Variants in MTUS1 observed in about 807,000 individuals in gnomAD.
MTUS1 encodes the protein microtubule-associated tumor suppressor 1.
In MTUS1, 109 loss-of-function variants were observed where a neutral mutation model predicts 120.8. The ratio of observed to expected loss-of-function variants is 0.90; its 90% CI spans 0.77 to 1.06. The LOEUF (loss-of-function observed/expected upper bound fraction) is 1.06. MTUS1 is among the 50% of genes least tolerant of loss of function. The probability of loss-of-function intolerance (pLI) is 0.00; values close to 1 mark genes in which losing one functional copy is unlikely to be tolerated. For missense variants in MTUS1, 2,210 were observed against 1,486.3 expected (o/e 1.49, Z -8.01); for synonymous variants, 737 against 550.5 (o/e 1.34, Z -4.74).
At chr8:17,681,610 T>G (rs1814524052) in intron 7 of MTUS1, 1 of 154,784 alleles carries the variant, frequency 6.5e-6, no homozygotes, top group African/African-American at 2.4e-5. Flanking sequence ...AACTGTAGCT[T>G]TTGGCATGAT....
At chr8:17,773,299 A>T (rs2050151305) in intron 1 of MTUS1, among the ~76,000 whole-genome samples, 1 of 152,170 alleles carries the variant, frequency 6.6e-6, no homozygotes, top group Non-Finnish European at 1.5e-5. Flanking sequence ...GCAGGGGAAG[A>T]GTCTTCAAGA....
At chr8:17,672,182 T>C (rs536718136) in intron 8 of MTUS1, among the ~76,000 whole-genome samples, 63 of 152,302 alleles carry the variant, frequency 4.1e-4, no homozygotes, top group African/African-American at 1.4e-3. Flanking sequence ...TTCTGTAGCA[T>C]AGATGATGCC....
chr8:17,712,838 A>G (rs1821602665), intron 6 of MTUS1, among the ~76,000 whole-genome samples: 1 of 152,194 alleles, frequency 6.6e-6, no homozygotes, highest in Admixed American at 6.5e-5. Flanking sequence ...AAACATAAAA[A>G]TATAGGCTGC....
intron 1 of MTUS1, among the ~76,000 whole-genome samples, chr8:17,798,410 G>A (rs1397191287): frequency 6.6e-6 from 1 of 151,838 alleles, no homozygotes; most frequent in East Asian, 1.9e-4. Flanking sequence ...TCGGCTCACT[G>A]CAACCTCCAC....
chr8:17,756,885 C>A (rs1352142852), intron 1 of MTUS1, among the ~76,000 whole-genome samples: 1 of 152,122 alleles, frequency 6.6e-6, no homozygotes, highest in Non-Finnish European at 1.5e-5. Flanking sequence ...CACCAAAAAC[C>A]AAACCCTGAA....
chr8:17,649,345 A>G (rs1256902720), intron 13 of MTUS1, among the ~76,000 whole-genome samples: 1 of 152,240 alleles, frequency 6.6e-6, no homozygotes. Flanking sequence ...GGAATGAGCC[A>G]CTGCGCCCAG....
intron 4 of MTUS1, among the ~76,000 whole-genome samples, chr8:17,720,519 T>C (rs187694132): frequency 6.6e-5 from 10 of 152,286 alleles, no homozygotes; most frequent in African/African-American, 1.4e-4. Flanking sequence ...AGAATGCAAA[T>C]AGCTTTGGTC....
intron 7 of MTUS1, 148 bp downstream of exon 7, chr8:17,684,180 G>C (rs962993614): frequency 4.7e-6 from 3 of 636,180 alleles, no homozygotes; most frequent in South Asian, 3.7e-5. Flanking sequence ...CAAGTATCTG[G>C]TGAAGTGACA....
intron 8 of MTUS1, among the ~76,000 whole-genome samples, chr8:17,669,325 G>A (rs1811532894): frequency 6.6e-6 from 1 of 152,274 alleles, no homozygotes; most frequent in African/African-American, 2.4e-5. Context: ...AAAGAGGAGA[G>A]TGCACTCCAG....
At chr8:17,711,088 G>A (rs999741902) in intron 6 of MTUS1, among the ~76,000 whole-genome samples, 4 of 152,126 alleles carry the variant, frequency 2.6e-5, no homozygotes, top group African/African-American at 9.7e-5. Flanking sequence ...TAGAGCACAG[G>A]CAGAGTAGAT....
At chr8:17,710,207 T>G (rs1021134200) in intron 6 of MTUS1, among the ~76,000 whole-genome samples, 7 of 152,158 alleles carry the variant, frequency 4.6e-5, no homozygotes, top group African/African-American at 1.7e-4. Context: ...CAATGAAGTT[T>G]GCGACATCAA....
At chr8:17,760,193 G>C (rs377225139) in intron 1 of MTUS1, among the ~76,000 whole-genome samples, 9 of 151,704 alleles carry the variant, frequency 5.9e-5, no homozygotes, top group African/African-American at 2.2e-4. Flanking sequence ...TTCAGCCTGG[G>C]TGACAGGGAC....
chr8:17,767,921 C>T (rs1463495587), intron 1 of MTUS1, among the ~76,000 whole-genome samples: 5 of 152,048 alleles, frequency 3.3e-5, no homozygotes, highest in African/African-American at 7.2e-5. Context: ...AGAGACTAGA[C>T]GCACGAAACT....
chr8:17,648,203 T>C (rs555000307), intron 13 of MTUS1, among the ~76,000 whole-genome samples: 1 of 152,290 alleles, frequency 6.6e-6, no homozygotes, highest in East Asian at 1.9e-4. Context: ...TTCCTGTGCT[T>C]CTAAGTCTCT....
chr8:17,721,952 T>C (rs759735986), intron 4 of MTUS1: 1 of 1,558,938 alleles, frequency 6.4e-7, no homozygotes. Flanking sequence ...CCATGTTCAC[T>C]CTCATATCCC....
intron 2 of MTUS1, among the ~76,000 whole-genome samples, chr8:17,746,507 A>T (rs2047760094): frequency 6.6e-6 from 1 of 152,124 alleles, no homozygotes; most frequent in Non-Finnish European, 1.5e-5. Context: ...AAGGCAGCAG[A>T]CAAGAGAGAA....
At chr8:17,788,097 G>T (rs1224391312) in intron 1 of MTUS1, among the ~76,000 whole-genome samples, 5 of 152,054 alleles carry the variant, frequency 3.3e-5, no homozygotes, top group African/African-American at 1.2e-4. Flanking sequence ...CTCCAGCCTG[G>T]GCAACAAGAG....
chr8:17,693,121 A>T (rs1405999110), intron 6 of MTUS1: 1 of 152,226 alleles, frequency 6.6e-6, no homozygotes, highest in Admixed American at 6.5e-5. Context: ...ACTGAATGCT[A>T]AGTGGCAGGG....
intron 8 of MTUS1, among the ~76,000 whole-genome samples, chr8:17,657,481 T>C (rs1427924274): frequency 2.0e-5 from 3 of 148,644 alleles, no homozygotes; most frequent in South Asian, 2.2e-4. Flanking sequence ...GGCAGGAGAA[T>C]GGCGTGAACC....
Sources: gnomAD v4.1 joint callset for allele counts (sites outside exome capture counted in the v4.1 genomes callset) on GRCh38, gnomAD v4.1.1 for gene constraint, MANE v1.5 for transcripts, NCBI Gene and HGNC (gene_info 2026-07-23, HGNC 2026-07-21) for gene names.